Variants in BRINP1 observed in about 807,000 individuals in gnomAD.
BRINP1 encodes BMP/retinoic acid-inducible neural-specific protein 1.
A neutral mutation model predicts 72.9 loss-of-function variants in BRINP1; 17 were observed. That is an observed-to-expected ratio of 0.23 (90% CI 0.16 to 0.35). BRINP1 has a LOEUF of 0.35. Among genes scored for constraint, BRINP1 ranks in the 10% least tolerant of loss-of-function variants. BRINP1 has a pLI of 1.00. For synonymous variants in BRINP1, 418 were observed against 378.5 expected, an observed-to-expected ratio of 1.10 and a Z score of -1.21; for missense variants, 850 against 1,001.6, an observed-to-expected ratio of 0.85 and a Z score of 2.04.
chr9:119,169,726 T>G lies in BRINP1; in HGVS notation c.1146-1502A>C, dbSNP rs868083429. The stretch of plus-strand genomic sequence containing the variant: ...GCAGTAACCTCTGCAGACTTAAATG[T>G]TCCTGTCTGACAGCTTTGAAGAGAG... On this transcript the variant is annotated intron_variant, in intron 7 of 7. Transcript: ENST00000265922. Among the ~76,000 whole-genome samples, 45 of 152,248 alleles carry G rather than the reference T, an allele frequency of 3.0e-4. 1 individual carries two copies. Among genetic ancestry groups the G allele is most frequent in the Non-Finnish European group, 5.9e-4 (40 of 68,052 alleles).
chr9:119,331,929 C>A lies in BRINP1; in HGVS notation c.-50-18524G>T, dbSNP rs527412470. 2.6e-5 allele frequency among the ~76,000 whole-genome samples: 4 copies of A among 152,286 alleles called. No individual in the cohort carries two copies. The South Asian group carries it at 8.3e-4, about 32-fold the overall frequency. On this transcript the variant is annotated intron_variant, in intron 1 of 7. Transcript: ENST00000265922. ...TAGGGATCTGCACTTTTAGTAAATT[C>A]TCCGGTGAATGTTATACACTAAAGG...
In BRINP1 at chr9:119,228,299, C is replaced by T. The variant is rs140801148; in HGVS notation, c.685+10356G>A. 2.9e-3 allele frequency among the ~76,000 whole-genome samples: 442 copies of T among 151,982 alleles called. 1 individual carries two copies. Among genetic ancestry groups the T allele is most frequent in the African/African-American group, 9.9e-3 (411 of 41,454 alleles). On this transcript the variant is annotated intron_variant, in intron 5 of 7. Transcript: ENST00000265922. ...GCAATTCAGCAAATACATGTATGTACGTGTATACACACACACATAGGAATT... is the reference window on the plus strand; with the variant it reads ...GCAATTCAGCAAATACATGTATGTATGTGTATACACACACACATAGGAATT...
rs776564086 is a variant in BRINP1 at position 119,361,001 on chromosome 9, G to A, written c.-51+8055C>T. On this transcript the variant is annotated intron_variant, in intron 1 of 7. Coordinates refer to ENST00000265922, the MANE Select transcript of BRINP1 (RefSeq NM_014618.3). Reference sequence around the variant, plus strand: ...TATCCCAAGATGGCCCCAACTTCCCGGTATACAACTCCGCACCCTGTGAGA... The same window carrying A: ...TATCCCAAGATGGCCCCAACTTCCCAGTATACAACTCCGCACCCTGTGAGA... Among the ~76,000 whole-genome samples, 15 of 152,130 alleles carry A rather than the reference G, an allele frequency of 9.9e-5. 1 individual carries two copies. Among genetic ancestry groups the A allele is most frequent in the Non-Finnish European group, 1.3e-4 (9 of 67,992 alleles).
In BRINP1 at chr9:119,330,032, T is replaced by G. The variant is rs190912513; in HGVS notation, c.-50-16627A>C. Among the ~76,000 whole-genome samples, 10 of 152,282 alleles carry G rather than the reference T, an allele frequency of 6.6e-5. No individual in the cohort carries two copies. The East Asian group carries it at 1.9e-3, about 29-fold the overall frequency. On this transcript the variant is annotated intron_variant, in intron 1 of 7. Transcript: ENST00000265922. ...TATACTTTCTCATAATTCTTCACTTTGATAGAGAACAATTTATTTCCCACA... is the reference window on the plus strand; with the variant it reads ...TATACTTTCTCATAATTCTTCACTTGGATAGAGAACAATTTATTTCCCACA...
At chr9:119,257,141 C>A (rs1830454164) in intron 2 of BRINP1, among the ~76,000 whole-genome samples, 1 of 152,162 alleles carries the variant, frequency 6.6e-6, no homozygotes, top group Admixed American at 6.5e-5. Context: ...AGCCAAAAGC[C>A]ATACAGTCAG....
At chr9:119,191,824 G>T (rs917071977) in intron 7 of BRINP1, among the ~76,000 whole-genome samples, 2 of 151,852 alleles carry the variant, frequency 1.3e-5, no homozygotes, top group African/African-American at 4.8e-5. Context: ...AAGTAAGGAG[G>T]CATCGTGCTT....
At chr9:119,329,923 G>A (rs575439508) in intron 1 of BRINP1, among the ~76,000 whole-genome samples, 1 of 152,290 alleles carries the variant, frequency 6.6e-6, no homozygotes, top group South Asian at 2.1e-4. Flanking sequence ...ACTAGCCAGT[G>A]ATACCTATTT....
intron 3 of BRINP1, among the ~76,000 whole-genome samples, chr9:119,247,981 C>T (rs1221124): frequency 0.99 from 150,204 of 152,290 alleles, 74,110 homozygotes; most frequent in Middle Eastern, 1. Context: ...TCCTACATTG[C>T]ATGCTGAGCC....
chr9:119,348,614 C>A (rs898061586), intron 1 of BRINP1, among the ~76,000 whole-genome samples: 3 of 152,124 alleles, frequency 2.0e-5, no homozygotes, highest in African/African-American at 7.2e-5. Flanking sequence ...GGTCACTGTT[C>A]TCGATTTGGG....
chr9:119,192,653 G>A (rs1829694515), intron 7 of BRINP1, among the ~76,000 whole-genome samples: 1 of 152,116 alleles, frequency 6.6e-6, no homozygotes, highest in Non-Finnish European at 1.5e-5. Flanking sequence ...TGGTAGGAAT[G>A]TAGATTGGTA....
At chr9:119,367,345 G>A (rs1242042863) in intron 1 of BRINP1, among the ~76,000 whole-genome samples, 1 of 151,522 alleles carries the variant, frequency 6.6e-6, no homozygotes, top group African/African-American at 2.4e-5. Flanking sequence ...CTAGACAAGA[G>A]GCTGTGTCCC....
intron 7 of BRINP1, among the ~76,000 whole-genome samples, chr9:119,181,210 G>GTAGTTAGACTGTATAATAACAGACTTT (rs1829553221): frequency 1.3e-5 from 2 of 152,162 alleles, no homozygotes; most frequent in African/African-American, 4.8e-5. Context: ...TTCTTGGGCA[G>GTAGTTAGACTGTATAATAACAGACTTT]TAGTTAGACT....
At chr9:119,256,203 T>C (rs1028454427) in intron 2 of BRINP1, among the ~76,000 whole-genome samples, 2 of 152,180 alleles carry the variant, frequency 1.3e-5, no homozygotes, top group African/African-American at 4.8e-5. Flanking sequence ...AAGGACAGGC[T>C]TAGGATTATA....
chr9:119,359,617 C>T (rs865847293), intron 1 of BRINP1, among the ~76,000 whole-genome samples: 48 of 152,288 alleles, frequency 3.2e-4, no homozygotes, highest in Middle Eastern at 3.4e-3. Context: ...ATTCAAACTC[C>T]AGCAGACCCA....
chr9:119,238,808 T>A, intron 4 of BRINP1, 48 bp from the exon 5 acceptor site: 1 of 1,270,578 alleles, frequency 7.9e-7, no homozygotes, highest in Non-Finnish European at 1.1e-6. Context: ...AGTCCTTGTC[T>A]AGGACATACC....
chr9:119,239,253 T>G (rs1020941414), intron 4 of BRINP1, among the ~76,000 whole-genome samples: 2 of 152,162 alleles, frequency 1.3e-5, no homozygotes, highest in African/African-American at 2.4e-5. Flanking sequence ...AATGGGTACC[T>G]TATTACAAAA....
chr9:119,222,748 G>A (rs1157481159), intron 5 of BRINP1, among the ~76,000 whole-genome samples: 1 of 151,926 alleles, frequency 6.6e-6, no homozygotes, highest in Non-Finnish European at 1.5e-5. Context: ...GGGCCAGAGG[G>A]ACTTCCAAAT....
intron 2 of BRINP1, among the ~76,000 whole-genome samples, chr9:119,306,483 C>A (rs1022051343): frequency 2.0e-5 from 3 of 152,124 alleles, no homozygotes; most frequent in Non-Finnish European, 4.4e-5. Context: ...TGCTGTCAGC[C>A]TTTAAATGGC....
chr9:119,357,035 T>C (rs1012363288), intron 1 of BRINP1, among the ~76,000 whole-genome samples: 1 of 152,222 alleles, frequency 6.6e-6, no homozygotes, highest in Non-Finnish European at 1.5e-5. Context: ...TTTTTTACAT[T>C]TATTGGTCAC....
Sources: gnomAD v4.1 joint callset for allele counts (sites outside exome capture counted in the v4.1 genomes callset) on GRCh38, gnomAD v4.1.1 for gene constraint, MANE v1.5 for transcripts, NCBI Gene and HGNC (gene_info 2026-07-23, HGNC 2026-07-21) for gene names.